NPL: variants seen among roughly 807,000 people sequenced by gnomAD.
NPL encodes N-acetylneuraminate pyruvate lyase, also known as N-acetylneuraminate lyase.
Under a neutral mutation model 41.1 loss-of-function variants are expected in NPL, and 32 were observed. The ratio of observed to expected loss-of-function variants is 0.78; its 90% CI spans 0.59 to 1.05. The LOEUF (loss-of-function observed/expected upper bound fraction) is 1.05. Among genes scored for constraint, NPL ranks in the 50% least tolerant of loss-of-function variants. The pLI is 0.00. For missense variants in NPL, 321 were observed against 378.4 expected, an observed-to-expected ratio of 0.85 and a Z score of 1.26; for synonymous variants, 128 against 134.9, an observed-to-expected ratio of 0.95 and a Z score of 0.35.
At chr1:182,819,472 G>C (rs182516576) in intron 10 of NPL, among the ~76,000 whole-genome samples, 3 of 150,594 alleles carry the variant, frequency 2.0e-5, no homozygotes, top group African/African-American at 7.3e-5. Context: ...TTAGCCAGGC[G>C]TGGTGGCAGG....
intron 5 of NPL, among the ~76,000 whole-genome samples, chr1:182,807,720 CAAA>C (rs753955697): frequency 3.6e-5 from 2 of 55,438 alleles, no homozygotes; most frequent in Admixed American, 1.9e-4. Context: ...ACTAAAAATA[CAAA>C]AAAAAAAAAA....
intron 3 of NPL, among the ~76,000 whole-genome samples, chr1:182,800,228 G>C (rs1666798084): frequency 6.6e-6 from 1 of 151,948 alleles, no homozygotes; most frequent in African/African-American, 2.4e-5. Flanking sequence ...TTGAGCCCAG[G>C]AGTTCGAGAC....
At chr1:182,794,241 G>T in intron 2 of NPL, 115 bp from the exon 3 acceptor site, 1 of 906,862 alleles carries the variant, frequency 1.1e-6, no homozygotes, top group Non-Finnish European at 1.9e-6. Flanking sequence ...TGCTCTGTGT[G>T]TTTGTGTACT....
intron 5 of NPL, among the ~76,000 whole-genome samples, chr1:182,808,316 A>G (rs879738332): frequency 1.2e-4 from 18 of 152,232 alleles, no homozygotes; most frequent in Non-Finnish European, 2.2e-4. Flanking sequence ...ATTAGATGCC[A>G]TGAAAGTCAG....
chr1:182,803,859 C>A, intron 4 of NPL, 88 bp downstream of exon 4: 1 of 951,894 alleles, frequency 1.1e-6, no homozygotes, highest in Non-Finnish European at 1.7e-6. Flanking sequence ...AGAGGTCACA[C>A]AGTCATGGTG....
At chr1:182,811,630 T>G (rs1667178540) in intron 5 of NPL, among the ~76,000 whole-genome samples, 7 of 152,196 alleles carry the variant, frequency 4.6e-5, no homozygotes, top group Admixed American at 4.6e-4. Flanking sequence ...TTTAAGATAA[T>G]GGGCTCGGAC....
intron 10 of NPL, among the ~76,000 whole-genome samples, chr1:182,819,230 G>C (rs1190949711): frequency 6.6e-6 from 1 of 152,206 alleles, no homozygotes. Flanking sequence ...GCCAAGGCGG[G>C]TGGATCACGA....
rs869028259 is a variant in NPL at position 182,790,655 on chromosome 1, GTTT to G, written c.-72+853_-72+855del. Among the ~76,000 whole-genome samples the G allele has an allele frequency of 1.1e-4, 15 of 142,274 alleles. No homozygotes were observed. The East Asian group carries it at 1.8e-3, about 18-fold the overall frequency. The allele number at this position is 142,274 out of a possible 152,430, so 93.3% of individuals were successfully genotyped here. On this transcript the variant is annotated intron_variant, in intron 1 of 12. Transcript: ENST00000367553. The stretch of plus-strand genomic sequence containing the variant: ...TGTTGTTGTTGTTGTTGTTGTTGTT[GTTT>G]TTGAGACGGAGTCTCGCTCTTGTCG...
chr1:182,818,413 T>G (rs1412253990), intron 8 of NPL, 128 bp from the exon 9 acceptor site: 9 of 1,156,944 alleles, frequency 7.8e-6, no homozygotes, highest in African/African-American at 1.5e-5. Flanking sequence ...GACCAGTGAT[T>G]ATGCCTAGTC....
chr1:182,801,228 T>C (rs905910637), intron 3 of NPL, among the ~76,000 whole-genome samples: 1 of 152,176 alleles, frequency 6.6e-6, no homozygotes, highest in Admixed American at 6.5e-5. Context: ...AATTCTGCCA[T>C]TAGTGTCATT....
At chr1:182,792,335 T>G (rs1571417427) in intron 2 of NPL, 49 bp downstream of exon 2, 2 of 152,364 alleles carry the variant, frequency 1.3e-5, no homozygotes, top group Non-Finnish European at 2.9e-5. Flanking sequence ...ACTCCAGAGC[T>G]GGCCCTCTCA....
At chr1:182,824,059 C>A (rs1406712496) in intron 11 of NPL, among the ~76,000 whole-genome samples, 1 of 152,212 alleles carries the variant, frequency 6.6e-6, no homozygotes, top group Non-Finnish European at 1.5e-5. Flanking sequence ...AAATTTATCT[C>A]ATTCACTTTA....
At position 182,794,388 on chromosome 1, in the gene NPL, A is replaced by G; in HGVS notation, c.17A>G (p.Lys6Arg). Residue 6 changes from lysine to arginine, a missense_variant, in exon 3 of 13, where the codon AAG (lysine) becomes AGG (arginine). Coordinates refer to ENST00000367553, the MANE Select transcript of NPL (RefSeq NM_030769.3). ...AGCAGCTCAATGGCCTTCCCAAAGA[A>G]GAAACTTCAGGGTCTTGTGGCTGCA... MAFPKKKLQGLVAATI... is the reference protein window; with the variant it reads MAFPKRKLQGLVAATI... 1 of 1,614,250 alleles carries G rather than the reference A, an allele frequency of 6.2e-7. No individual in the cohort carries two copies. The highest frequency in any genetic ancestry group is 8.5e-7 in the Non-Finnish European group (1 of 1,180,048).
At chr1:182,809,121 G>A in intron 5 of NPL, 1 of 321,572 alleles carries the variant, frequency 3.1e-6, no homozygotes, top group Non-Finnish European at 6.2e-6. Flanking sequence ...ATTTACATTG[G>A]GTTTTAAAGA....
In NPL at chr1:182,806,032, T is replaced by G; in HGVS notation, c.143-113T>G. 2.4e-6 allele frequency: 3 copies of G among 1,238,816 alleles called. No homozygotes were observed. The South Asian group carries it at 3.8e-5, about 16-fold the overall frequency. 76.7% of individuals were successfully genotyped at this position (1,238,816 alleles called of 1,614,324 possible). A position where few individuals can be genotyped will look rare whatever the true frequency, so the allele number is the denominator to read the frequency against. On this transcript the variant is annotated intron_variant, in intron 4 of 12. Coordinates refer to ENST00000367553, the MANE Select transcript of NPL (RefSeq NM_030769.3). The stretch of plus-strand genomic sequence containing the variant: ...GAAGTGAAAATGGAAACATGGCATT[T>G]TCCCCTCCTGACCATCCTCAGTGCA...
chr1:182,794,586 T>A, intron 3 of NPL, 147 bp downstream of exon 3: 1 of 763,286 alleles, frequency 1.3e-6, no homozygotes, highest in African/African-American at 1.7e-5. Flanking sequence ...CTCTGCACTG[T>A]CTCTGATCCC....
rs146846835 is a variant in NPL at position 182,797,469 on chromosome 1, A to G, written c.68+3030A>G. 3.3e-5 allele frequency among the ~76,000 whole-genome samples: 5 copies of G among 152,328 alleles called. No individual in the cohort carries two copies. In the East Asian group the frequency reaches 9.6e-4, roughly 29 times the overall value. Reference sequence around the variant, plus strand: ...TGAGCCGGTCTAAAGATTAAAGCCCAGACTCCCTGGGATGGCATAGGAAGT... The same window carrying G: ...TGAGCCGGTCTAAAGATTAAAGCCCGGACTCCCTGGGATGGCATAGGAAGT... On this transcript the variant is annotated intron_variant, in intron 3 of 12. Coordinates refer to ENST00000367553, the MANE Select transcript of NPL (RefSeq NM_030769.3).
chr1:182,811,888 A>C (rs2102551130), intron 5 of NPL, among the ~76,000 whole-genome samples: 1 of 152,308 alleles, frequency 6.6e-6, no homozygotes, highest in South Asian at 2.1e-4. Flanking sequence ...GGGGCTGAAT[A>C]TTCTCTGCTG....
At chr1:182,820,632 A>G (rs561478405) in intron 10 of NPL, among the ~76,000 whole-genome samples, 2 of 152,320 alleles carry the variant, frequency 1.3e-5, no homozygotes, top group East Asian at 3.9e-4. Context: ...ACTTTCAATC[A>G]TGGCGGAAGG....
Sources: allele counts gnomAD v4.1 joint callset (sites outside exome capture counted in the v4.1 genomes callset), GRCh38; gene constraint gnomAD v4.1.1; transcripts MANE v1.5; gene names NCBI Gene and HGNC (gene_info 2026-07-23, HGNC 2026-07-21).